Variants in FAT2 observed in about 807,000 individuals in gnomAD.
FAT2 encodes protocadherin Fat 2.
FAT2 carries 150 observed loss-of-function variants against 295.3 expected under a neutral mutation model. The observed-to-expected ratio is 0.51, with a 90% CI of 0.44 to 0.58. FAT2 has a LOEUF of 0.58. FAT2 is among the 20% of genes least tolerant of loss of function. The pLI is 0.00. For missense variants in FAT2, 4,868 were observed against 5,442.7 expected (o/e 0.89, Z 3.32); for synonymous variants, 2,026 against 2,150.3 (o/e 0.94, Z 1.60).
At chr5:151,588,685 C>T (rs192633541) in intron 1 of FAT2, among the ~76,000 whole-genome samples, 1 of 151,988 alleles carries the variant, frequency 6.6e-6, no homozygotes, top group Non-Finnish European at 1.5e-5. Flanking sequence ...AGTAGGAGAG[C>T]CAATATAAAA....
chr5:151,529,609 T>C (rs1363437318), intron 14 of FAT2, among the ~76,000 whole-genome samples: 4 of 152,214 alleles, frequency 2.6e-5, no homozygotes, highest in Non-Finnish European at 5.9e-5. Context: ...AACAGCTATG[T>C]TTCCCTCACT....
rs1464585936 is a variant in FAT2 at position 151,550,804 on chromosome 5, A to G, written c.4364T>C (p.Val1455Ala). Residue 1455 changes from valine to alanine, a missense_variant, in exon 8 of 24, where the codon GTC becomes GCC. Coordinates refer to ENST00000261800, the MANE Select transcript of FAT2 (RefSeq NM_001447.3). ...TGGCACGGTGTCCTGGGGAACTCTG[A>G]CTTCATAACGAGTTTCCAGAAACTG... ...RPQFLETRYE[V>A]RVPQDTVPGV... is the part of the protein sequence containing the mutation. 6.2e-7 allele frequency: 1 copy of G among 1,613,740 alleles called. No homozygotes were observed. The highest frequency in any genetic ancestry group is 2.2e-5 in the East Asian group (1 of 44,882).
At position 151,545,729 on chromosome 5, in the gene FAT2, A is replaced by G. The variant is rs1387387413; in HGVS notation, c.5398T>C (p.Leu1800=). 2 of 1,613,972 alleles carry G rather than the reference A, an allele frequency of 1.2e-6. No homozygotes were observed. Among genetic ancestry groups the G allele is most frequent in the Non-Finnish European group, 1.7e-6 (2 of 1,180,026 alleles). ...TCCGGCTCCAAAATTTTATAGACCAACAAGGAATTAGCTTCTTTGTCACTG... is the reference window on the plus strand; with the variant it reads ...TCCGGCTCCAAAATTTTATAGACCAGCAAGGAATTAGCTTCTTTGTCACTG... The part of the protein sequence containing the change: ...SDSDKEANSL[L]VYKILEPEAL... The change falls in exon 10 of 24, where the codon TTG becomes CTG. Residue 1800 remains leucine, a synonymous_variant. Transcript: ENST00000261800.
In FAT2 at chr5:151,529,326, C is replaced by T; in HGVS notation, c.9878G>A (p.Cys3293Tyr). ...GAGGGAAGAGGAGCTCTTCCGGCTGCACTCAATGGACAGGAAGTACTTGGG... is the reference window on the plus strand; with the variant it reads ...GAGGGAAGAGGAGCTCTTCCGGCTGTACTCAATGGACAGGAAGTACTTGGG... ...TSPKYFLSIE[C>Y]SRKSSSSLSD... The change falls in exon 15 of 24, where the codon TGC becomes TAC. Residue 3293 changes from cysteine (C) to tyrosine (Y), a missense_variant. Cys to Tyr is a radical substitution (Grantham distance 194, BLOSUM62 -2). Coordinates refer to ENST00000261800, the MANE Select transcript of FAT2 (RefSeq NM_001447.3). 1 of 1,614,130 alleles carries T rather than the reference C, an allele frequency of 6.2e-7. No homozygotes were observed. The highest frequency in any genetic ancestry group is 8.5e-7 in the Non-Finnish European group (1 of 1,180,034).
intron 14 of FAT2, among the ~76,000 whole-genome samples, chr5:151,530,462 T>G (rs1221683207): frequency 6.6e-6 from 1 of 152,124 alleles, no homozygotes; most frequent in Non-Finnish European, 1.5e-5. Context: ...GATGGAAAAT[T>G]CTATTAGACA....
intron 1 of FAT2, among the ~76,000 whole-genome samples, chr5:151,570,015 T>C (rs1464271268): frequency 6.6e-6 from 1 of 152,240 alleles, no homozygotes; most frequent in African/African-American, 2.4e-5. Context: ...CATCAATCTC[T>C]TAGGATTGTT....
intron 9 of FAT2, among the ~76,000 whole-genome samples, chr5:151,547,156 A>T (rs549414832): frequency 2.1e-3 from 326 of 152,358 alleles, no homozygotes; most frequent in African/African-American, 7.5e-3. Flanking sequence ...TGCTTACCAT[A>T]AATCAGAAGT....
In FAT2 at chr5:151,534,501, C is replaced by A. The variant is rs374341358; in HGVS notation, c.9335G>T (p.Arg3112Leu). 6.2e-7 allele frequency: 1 copy of A among 1,614,094 alleles called. No homozygotes were observed. Among genetic ancestry groups the A allele is most frequent in the South Asian group, 1.1e-5 (1 of 91,056 alleles). Reference protein sequence around the residue: ...HVEDVNDNAPRFFPSHCAVAV... With the variant: ...HVEDVNDNAPLFFPSHCAVAV... ...CACAGCACAGTGGCTGGGGAAGAAC[C>A]GCGGGGCATTGTCATTCACATCCTC... The change falls in exon 13 of 24, where the codon CGG becomes CTG. Residue 3112 changes from arginine (R) to leucine (L), a missense_variant. Arg to Leu is a moderately radical substitution (Grantham distance 102). Coordinates refer to ENST00000261800, the MANE Select transcript of FAT2 (RefSeq NM_001447.3).
chr5:151,585,095 G>A (rs1020439403), intron 1 of FAT2, among the ~76,000 whole-genome samples: 2 of 152,170 alleles, frequency 1.3e-5, no homozygotes, highest in Non-Finnish European at 2.9e-5. Flanking sequence ...AAATTAACTC[G>A]CTGGACCTCT....
Position 151,531,792 on chromosome 5 carries a change from G to A in FAT2, c.9606C>T (p.Gly3202=), listed in dbSNP as rs1468346212. The change falls in exon 14 of 24, where the codon GGC becomes GGT. Residue 3202 remains glycine (G), a synonymous_variant. Coordinates refer to ENST00000261800, the MANE Select transcript of FAT2 (RefSeq NM_001447.3). This position sits in a 1 kb window ranked among gnomAD's most constrained non-coding sequence, Gnocchi z 5.7. ...GGCCCACCACCGAGACTGTGACGGT[G>A]CCCAGCGTGGACAGCGGTATTGGGG... is the stretch of plus-strand genomic sequence containing the variant. ...LGTPIPLSTL[G]TVTVSVVGLE... 6.2e-7 allele frequency: 1 copy of A among 1,612,878 alleles called. No individual in the cohort carries two copies. Among genetic ancestry groups the A allele is most frequent in the Admixed American group, 1.7e-5 (1 of 60,030 alleles).
At chr5:151,539,793 C>T (rs1046417476) in intron 11 of FAT2, among the ~76,000 whole-genome samples, 6 of 152,220 alleles carry the variant, frequency 3.9e-5, no homozygotes, top group African/African-American at 1.4e-4. Context: ...CCTCTCCTGA[C>T]AAACACACAT....
intron 1 of FAT2, among the ~76,000 whole-genome samples, chr5:151,587,276 TTA>T (rs762537096): frequency 2.6e-5 from 4 of 152,166 alleles, no homozygotes; most frequent in Admixed American, 2.0e-4. Context: ...CAATAGTACA[TTA>T]TATATATGTG....
chr5:151,516,792 T>C (rs1030167356), intron 20 of FAT2, among the ~76,000 whole-genome samples: 1 of 152,150 alleles, frequency 6.6e-6, no homozygotes, highest in African/African-American at 2.4e-5. Context: ...GTGGCCAAAG[T>C]TGGCTTTCTC....
chr5:151,522,456 C>T (rs1299922150), intron 18 of FAT2, among the ~76,000 whole-genome samples: 1 of 152,228 alleles, frequency 6.6e-6, no homozygotes. Flanking sequence ...CCTCAGATGT[C>T]TCAGCAATTC....
Position 151,521,685 on chromosome 5 carries a change from G to A in FAT2, c.10908C>T (p.Tyr3636=), listed in dbSNP as rs1265140959. Reference sequence around the variant, plus strand: ...TCACCAGCTCCTCGGGGGTGAGCTGGTAGAAGCCCATCCACATGGCCTGCT... The same window carrying A: ...TCACCAGCTCCTCGGGGGTGAGCTGATAGAAGCCCATCCACATGGCCTGCT... The part of the protein sequence containing the change: ...ALQQAMWMGF[Y]QLTPEELVSD... Residue 3636 remains tyrosine (Y), a synonymous_variant, in exon 19 of 24, where the codon TAC becomes TAT. Coordinates refer to ENST00000261800, the MANE Select transcript of FAT2 (RefSeq NM_001447.3). 1.2e-6 allele frequency: 2 copies of A among 1,613,980 alleles called. No homozygotes were observed. The highest frequency in any genetic ancestry group is 1.7e-5 in the Admixed American group (1 of 60,026).
intron 1 of FAT2, among the ~76,000 whole-genome samples, chr5:151,574,473 A>C (rs1758664460): frequency 6.6e-6 from 1 of 152,228 alleles, no homozygotes; most frequent in Admixed American, 6.5e-5. Flanking sequence ...GCTTTGAACC[A>C]GAATAAAAAT....
In FAT2 at chr5:151,540,565, A is replaced by T. The variant is rs2127602161; in HGVS notation, c.9039+2T>A. 6.2e-7 allele frequency: 1 copy of T among 1,606,644 alleles called. No individual in the cohort carries two copies. The highest frequency in any genetic ancestry group is 8.5e-7 in the Non-Finnish European group (1 of 1,175,160). On this transcript the variant is annotated splice_donor_variant, in intron 11 of 23. Transcript: ENST00000261800. LOFTEE classifies it high-confidence loss of function. ...CCACTCCACCCCTCGCCAGGCTCTC[A>T]CCTGTGAACACTGTGGGCTGTTATC...
rs926966641 is a variant in FAT2 at position 151,531,441 on chromosome 5, G to A, written c.9811+146C>T. 2.6e-6 allele frequency: 3 copies of A among 1,165,508 alleles called. No individual in the cohort carries two copies. The highest frequency in any genetic ancestry group is 5.5e-5 in the Admixed American group (2 of 36,082). The allele number at this position is 1,165,508 out of a possible 1,614,324, so 72.2% of individuals were successfully genotyped here. A position where few individuals can be genotyped will look rare whatever the true frequency, so the allele number is the denominator to read the frequency against. ...TGGAAGGAGGGACCTGGTACTCGGAGAGAAGCAGAAGAGAATGGAGAAACG... is the reference window on the plus strand; with the variant it reads ...TGGAAGGAGGGACCTGGTACTCGGAAAGAAGCAGAAGAGAATGGAGAAACG... On this transcript the variant is annotated intron_variant, in intron 14 of 23. Coordinates refer to ENST00000261800, the MANE Select transcript of FAT2 (RefSeq NM_001447.3). The surrounding 1 kb of genome is among the most constrained non-coding windows in gnomAD (Gnocchi z 5.7).
intron 1 of FAT2, among the ~76,000 whole-genome samples, chr5:151,584,288 C>T (rs1245124463): frequency 2.6e-5 from 4 of 152,146 alleles, no homozygotes; most frequent in African/African-American, 9.7e-5. Flanking sequence ...CCTGCCCACA[C>T]AGAACCGCGA....
Sources: gnomAD v4.1 joint callset for allele counts (sites outside exome capture counted in the v4.1 genomes callset) on GRCh38, gnomAD v4.1.1 for gene constraint, Gnocchi (gnomAD v3.1) non-coding constraint, MANE v1.5 for transcripts, NCBI Gene and HGNC (gene_info 2026-07-23, HGNC 2026-07-21) for gene names.